The following TENM2 variants were observed in gnomAD, a reference collection of about 807,000 sequenced individuals.
The protein encoded by TENM2 is teneurin transmembrane protein 2.
In TENM2, 52 loss-of-function variants were observed where a neutral mutation model predicts 245.2. That is an observed-to-expected ratio of 0.21 (90% CI 0.17 to 0.27). TENM2 has a LOEUF of 0.27. Ranked by LOEUF, TENM2 falls within the 10% of genes least tolerant of loss-of-function variation. The probability of loss-of-function intolerance (pLI) is 1.00; values close to 1 mark genes in which losing one functional copy is unlikely to be tolerated. For missense variants in TENM2, 3,046 were observed against 3,666.8 expected (o/e 0.83, Z 4.37); for synonymous variants, 1,363 against 1,438.9 (o/e 0.95, Z 1.19).
intron 9 of TENM2, among the ~76,000 whole-genome samples, chr5:168,108,402 G>C (rs1476601574): frequency 6.6e-6 from 1 of 152,136 alleles, no homozygotes; most frequent in Admixed American, 6.5e-5. Flanking sequence ...TAACCCCTCT[G>C]AGCCTCGGTT....
intron 2 of TENM2, among the ~76,000 whole-genome samples, chr5:167,775,567 G>GA: frequency 6.6e-6 from 1 of 152,116 alleles, no homozygotes; most frequent in East Asian, 1.9e-4. Context: ...AAGTGTTTAG[G>GA]AAAAAAATCT....
At position 168,090,468 on chromosome 5, in the gene TENM2, A is replaced by G. The variant is rs1394054249; in HGVS notation, c.1516-106A>G. ...ATAAGTTCATAGCAAAATGTGCTAC[A>G]AAAAAGGTCTTTCTCCATTAACAAA... On this transcript the variant is annotated intron_variant, in intron 7 of 28. Transcript: ENST00000518659. 8 of 954,604 alleles carry G rather than the reference A, an allele frequency of 8.4e-6. No individual in the cohort carries two copies. In the African/African-American group the frequency reaches 9.9e-5, roughly 12 times the overall value. The allele number at this position is 954,604 out of a possible 1,614,324, so 59.1% of individuals were successfully genotyped here. A position where few individuals can be genotyped will look rare whatever the true frequency, so the allele number is the denominator to read the frequency against.
intron 3 of TENM2, chr5:167,952,382 C>T: frequency 1.7e-6 from 1 of 594,206 alleles, no homozygotes; most frequent in Non-Finnish European, 3.0e-6. Flanking sequence ...TCATTTGATG[C>T]GTGTGGATAA....
chr5:167,764,948 TG>T (rs1762911578), intron 2 of TENM2, among the ~76,000 whole-genome samples: 1 of 152,160 alleles, frequency 6.6e-6, no homozygotes, highest in African/African-American at 2.4e-5. Flanking sequence ...CATCCCAGCC[TG>T]GGGTGAGCCT....
chr5:167,453,425 C>T (rs1765726812), intron 2 of TENM2, among the ~76,000 whole-genome samples: 1 of 152,022 alleles, frequency 6.6e-6, no homozygotes, highest in Non-Finnish European at 1.5e-5. Context: ...CTTACTTGTC[C>T]CTTTCCCGGG....
intron 2 of TENM2, among the ~76,000 whole-genome samples, chr5:167,453,961 AGGGACAT>A (rs749533342): frequency 2.0e-5 from 3 of 152,212 alleles, no homozygotes; most frequent in Non-Finnish European, 4.4e-5. Context: ...TTCACTACTT[AGGGACAT>A]GGGTAATCAA....
the TENM2 span, among the ~76,000 whole-genome samples, chr5:167,137,424 A>G: frequency 6.6e-6 from 1 of 152,230 alleles, no homozygotes; most frequent in East Asian, 1.9e-4. Flanking sequence ...AAAATATGAA[A>G]AAAAGGTTGC....
chr5:167,429,338 G>T (rs936917232), intron 2 of TENM2, among the ~76,000 whole-genome samples: 8 of 152,128 alleles, frequency 5.3e-5, no homozygotes, highest in African/African-American at 1.9e-4. Context: ...TTTCTCAAAA[G>T]ATTGTTGTGA....
chr5:167,200,642 T>G, the TENM2 span, among the ~76,000 whole-genome samples: 1 of 152,210 alleles, frequency 6.6e-6, no homozygotes, highest in African/African-American at 2.4e-5. Flanking sequence ...CATATTTAAT[T>G]AAAAGTCAGC....
chr5:167,427,736 A>C (rs567044706), intron 2 of TENM2, among the ~76,000 whole-genome samples: 63 of 121,530 alleles, frequency 5.2e-4, no homozygotes, highest in Admixed American at 1.8e-3. Context: ...GGAAGAAAGG[A>C]CGGAAAGGAA....
chr5:167,816,234 T>G (rs991682129), intron 2 of TENM2, among the ~76,000 whole-genome samples: 2 of 152,094 alleles, frequency 1.3e-5, no homozygotes, highest in African/African-American at 2.4e-5. Context: ...GGAGCCACAT[T>G]CTACTCCCTT....
At chr5:167,628,546 C>T (rs1778663048) in intron 2 of TENM2, among the ~76,000 whole-genome samples, 1 of 152,148 alleles carries the variant, frequency 6.6e-6, no homozygotes, top group African/African-American at 2.4e-5. Flanking sequence ...CCTGTCAGTA[C>T]CTCTTCCTTT....
At chr5:168,205,291 A>G (rs77723635) in intron 19 of TENM2, among the ~76,000 whole-genome samples, 6,877 of 151,966 alleles carry the variant, frequency 0.045, 488 homozygotes, top group African/African-American at 0.15. Context: ...GTGAATGTAT[A>G]CCATGTCCCA....
At chr5:167,302,314 G>A (rs984274460) in intron 1 of TENM2, among the ~76,000 whole-genome samples, 3 of 152,062 alleles carry the variant, frequency 2.0e-5, no homozygotes, top group Non-Finnish European at 4.4e-5. Context: ...AGTTGAAGAG[G>A]TTTTAGGTTT....
chr5:167,793,615 AC>A (rs1765122774), intron 2 of TENM2, among the ~76,000 whole-genome samples: 2 of 151,996 alleles, frequency 1.3e-5, no homozygotes, highest in Admixed American at 6.6e-5. Flanking sequence ...TGGGAGGATC[AC>A]TTGAGCCCAG....
At chr5:167,356,535 G>A (rs1165079999) in intron 1 of TENM2, among the ~76,000 whole-genome samples, 1 of 152,210 alleles carries the variant, frequency 6.6e-6, no homozygotes, top group Non-Finnish European at 1.5e-5. Context: ...CAGTTATTGA[G>A]CCCTGGGTAT....
chr5:167,447,342 A>G (rs1488813994), intron 2 of TENM2, among the ~76,000 whole-genome samples: 1 of 152,268 alleles, frequency 6.6e-6, no homozygotes, highest in Non-Finnish European at 1.5e-5. Context: ...TTATTACTAT[A>G]TGATGTGTAC....
At chr5:168,112,835 G>A (rs1794787944) in intron 9 of TENM2, among the ~76,000 whole-genome samples, 1 of 152,116 alleles carries the variant, frequency 6.6e-6, no homozygotes, top group Admixed American at 6.5e-5. Context: ...GCTTCAGGAG[G>A]ATCAATGCAT....
chr5:167,522,989 A>G (rs1026695325), intron 2 of TENM2, among the ~76,000 whole-genome samples: 3 of 152,058 alleles, frequency 2.0e-5, no homozygotes, highest in Non-Finnish European at 4.4e-5. Context: ...AGAAGAGGCA[A>G]TGGCCTCTTC....
Sources: gnomAD v4.1 joint callset for allele counts (sites outside exome capture counted in the v4.1 genomes callset) on GRCh38, gnomAD v4.1.1 for gene constraint, MANE v1.5 for transcripts, NCBI Gene and HGNC (gene_info 2026-07-23, HGNC 2026-07-21) for gene names.